BOC: variants seen among roughly 807,000 people sequenced by gnomAD.
The protein encoded by BOC is brother of CDO.
In BOC, 76 loss-of-function variants were observed where a neutral mutation model predicts 112.0. The observed-to-expected ratio is 0.68, with a 90% CI of 0.56 to 0.82. BOC has a LOEUF of 0.82. Among genes scored for constraint, BOC ranks in the 40% least tolerant of loss-of-function variants. BOC has a pLI of 0.00. For synonymous variants in BOC, 580 were observed against 599.8 expected (o/e 0.97, Z 0.48); for missense variants, 1,309 against 1,511.7 (o/e 0.87, Z 2.22).
At position 113,283,434 on chromosome 3, in the gene BOC, G is replaced by A. The variant is rs1439133627; in HGVS notation, c.2458G>A (p.Gly820Ser). Reference protein sequence around the residue: ...TKARKSSGQPGRLPPPTLAPP... With the variant: ...TKARKSSGQPSRLPPPTLAPP... Reference sequence around the variant, plus strand: ...AGCTCGGAAGTCTTCTGGCCAGCCTGGTCGACTGCCACCCCCAACTCTGGC... The same window carrying A: ...AGCTCGGAAGTCTTCTGGCCAGCCTAGTCGACTGCCACCCCCAACTCTGGC... The change falls in exon 16 of 20, where the codon GGT (glycine) becomes AGT (serine). Residue 820 changes from glycine to serine, a missense_variant. Transcript: ENST00000682979. The A allele has an allele frequency of 4.4e-6, 7 of 1,608,082 alleles. No homozygotes were observed. The highest frequency in any genetic ancestry group is 6.0e-6 in the Non-Finnish European group (7 of 1,174,960).
Position 113,274,413 on chromosome 3 carries a change from A to C in BOC, c.1273A>C (p.Thr425Pro). ...GCTATGGCAGGATGCTGAGCTGGCT[A>C]CTGGCACACCTCCTGTATCACCCTC... ...PRLWQDAELA[T>P]GTPPVSPSKL... is the part of the protein sequence containing the mutation. Residue 425 changes from threonine to proline, a missense_variant, in exon 9 of 20, where the codon ACT becomes CCT. Physicochemically the swap from Thr to Pro is conservative, Grantham distance 38. Transcript: ENST00000682979. This position sits in a 1 kb window ranked among gnomAD's most constrained non-coding sequence, Gnocchi z 4.8. 1 of 1,577,046 alleles carries C rather than the reference A, an allele frequency of 6.3e-7. No individual in the cohort carries two copies.
chr3:113,255,514 C>T (rs531274400), intron 4 of BOC, among the ~76,000 whole-genome samples: 67 of 152,146 alleles, frequency 4.4e-4, no homozygotes, highest in Non-Finnish European at 7.9e-4. Context: ...CCCAATTCTC[C>T]CATCATCCCT....
chr3:113,247,933 T>C (rs1945135020), intron 2 of BOC, among the ~76,000 whole-genome samples: 1 of 152,240 alleles, frequency 6.6e-6, no homozygotes, highest in African/African-American at 2.4e-5. Flanking sequence ...AAAAACTTCT[T>C]TAAAAATGTT....
At chr3:113,229,531 C>T (rs1453031478) in intron 2 of BOC, among the ~76,000 whole-genome samples, 1 of 152,190 alleles carries the variant, frequency 6.6e-6, no homozygotes, top group South Asian at 2.1e-4. Flanking sequence ...ACTGTAGAGG[C>T]CGCCTTGGCC....
At chr3:113,265,586 T>C (rs867944499) in intron 4 of BOC, among the ~76,000 whole-genome samples, 11 of 152,196 alleles carry the variant, frequency 7.2e-5, no homozygotes, top group Admixed American at 2.0e-4. Flanking sequence ...GTGAATTGCT[T>C]TCAGAAAACA....
intron 2 of BOC, among the ~76,000 whole-genome samples, chr3:113,232,998 G>C (rs763893233): frequency 1.3e-5 from 2 of 152,180 alleles, no homozygotes; most frequent in Non-Finnish European, 2.9e-5. Flanking sequence ...CCATGTCGCA[G>C]TGCAGCCAGA....
intron 4 of BOC, among the ~76,000 whole-genome samples, chr3:113,253,094 A>G (rs757147099): frequency 6.6e-6 from 1 of 152,224 alleles, no homozygotes; most frequent in African/African-American, 2.4e-5. Context: ...TAAGCCTGCT[A>G]TCTTCATATA....
At chr3:113,283,262 C>T in intron 15 of BOC, 149 bp from the exon 16 acceptor site, 1 of 764,940 alleles carries the variant, frequency 1.3e-6, no homozygotes, top group Non-Finnish European at 2.1e-6. Flanking sequence ...TGAGTGTGGA[C>T]ACCATTCAAA....
chr3:113,274,208 G>A lies in BOC; in HGVS notation c.1235-167G>A, dbSNP rs896627551. ...CTTCTGGCAGGACAGGGACACCAGC[G>A]CTGTCTTCCACGGAGCCTGGCTGGG... is the stretch of plus-strand genomic sequence containing the variant. On this transcript the variant is annotated intron_variant, in intron 8 of 19. Transcript: ENST00000682979. This position sits in a 1 kb window ranked among gnomAD's most constrained non-coding sequence, Gnocchi z 4.8. 6.6e-6 allele frequency among the ~76,000 whole-genome samples: 1 copy of A among 152,224 alleles called. No homozygotes were observed. The highest frequency in any genetic ancestry group is 1.5e-5 in the Non-Finnish European group (1 of 68,032).
chr3:113,218,797 G>C (rs957443982), intron 2 of BOC, among the ~76,000 whole-genome samples: 4 of 152,212 alleles, frequency 2.6e-5, no homozygotes, highest in Non-Finnish European at 4.4e-5. Flanking sequence ...CTGTTGCAGA[G>C]CTGGAGGCTG....
At chr3:113,254,354 TTGG>T (rs1040515730) in intron 4 of BOC, among the ~76,000 whole-genome samples, 1 of 151,258 alleles carries the variant, frequency 6.6e-6, no homozygotes, top group African/African-American at 2.4e-5. Context: ...AAAGAGGGAG[TTGG>T]TGGAGTGGAA....
intron 4 of BOC, among the ~76,000 whole-genome samples, chr3:113,259,091 G>A (rs953246545): frequency 6.6e-6 from 1 of 152,164 alleles, no homozygotes; most frequent in African/African-American, 2.4e-5. Context: ...AGACAGATCC[G>A]TGGTGTAAGT....
chr3:113,252,129 G>A (rs920062572), intron 4 of BOC: 1 of 152,234 alleles, frequency 6.6e-6, no homozygotes, highest in Non-Finnish European at 1.5e-5. Flanking sequence ...AGGCTGGAGA[G>A]CACCCCTGAC....
At chr3:113,255,177 T>G (rs1946099998) in intron 4 of BOC, among the ~76,000 whole-genome samples, 1 of 152,246 alleles carries the variant, frequency 6.6e-6, no homozygotes. Flanking sequence ...TCTTGGTTTT[T>G]GAAATGCTTT....
intron 2 of BOC, among the ~76,000 whole-genome samples, chr3:113,225,278 A>G (rs866200262): frequency 0.089 from 13,443 of 151,768 alleles, 612 homozygotes; most frequent in African/African-American, 0.12. Flanking sequence ...TGTCAAAAAA[A>G]AAAACAACAA....
At position 113,274,514 on chromosome 3, in the gene BOC, T is replaced by C; in HGVS notation, c.1374T>C (p.Ala458=). The change falls in exon 9 of 20, where the codon GCT becomes GCC. Residue 458 remains alanine (A), a synonymous_variant. Coordinates refer to ENST00000682979, the MANE Select transcript of BOC (RefSeq NM_001378074.1). The surrounding 1 kb of genome is among the most constrained non-coding windows in gnomAD (Gnocchi z 4.8). ...GACCCCCAACGTCAGTGGGGCCTGC[T>C]TCCCCGCAGTGTCCAGGAGAGAAGG... ...LPRPPTSVGP[A]SPQCPGEKGQ... is the part of the protein sequence containing the mutation. 1 of 1,613,232 alleles carries C rather than the reference T, an allele frequency of 6.2e-7. No individual in the cohort carries two copies. The highest frequency in any genetic ancestry group is 8.5e-7 in the Non-Finnish European group (1 of 1,179,754).
chr3:113,285,132 T>C (rs1348264779), intron 18 of BOC, among the ~76,000 whole-genome samples: 2 of 152,270 alleles, frequency 1.3e-5, no homozygotes, highest in South Asian at 2.1e-4. Context: ...ACTTTGCCCA[T>C]GGGCCCCTGG....
chr3:113,258,134 G>A (rs1946429848), intron 4 of BOC, among the ~76,000 whole-genome samples: 1 of 152,212 alleles, frequency 6.6e-6, no homozygotes, highest in Admixed American at 6.5e-5. Flanking sequence ...GTTGAGCCTT[G>A]AAGAATGTGT....
chr3:113,250,251 A>G (rs948671650), intron 3 of BOC, among the ~76,000 whole-genome samples: 5 of 152,238 alleles, frequency 3.3e-5, no homozygotes, highest in Non-Finnish European at 5.9e-5. Context: ...TTCATTTTAC[A>G]GGTAAGAAAC....
Sources: allele counts gnomAD v4.1 joint callset (sites outside exome capture counted in the v4.1 genomes callset), GRCh38; gene constraint gnomAD v4.1.1; non-coding constraint Gnocchi (gnomAD v3.1); transcripts MANE v1.5; gene names NCBI Gene and HGNC (gene_info 2026-07-23, HGNC 2026-07-21).